Variants in PABPC4L observed in about 807,000 individuals in gnomAD.
PABPC4L encodes polyadenylate-binding protein 4-like.
For synonymous variants in PABPC4L, 169 were observed against 164.1 expected, an observed-to-expected ratio of 1.03 and a Z score of -0.23; for missense variants, 452 against 451.4, an observed-to-expected ratio of 1.00 and a Z score of -0.01.
the PABPC4L span, among the ~76,000 whole-genome samples, chr4:134,061,835 GA>G: frequency 6.7e-6 from 1 of 150,240 alleles, no homozygotes; most frequent in Non-Finnish European, 1.5e-5. Flanking sequence ...GAGAAAAAAA[GA>G]AAAGAAAAAG....
At chr4:133,948,761 C>CTTTGTTG in the PABPC4L span, among the ~76,000 whole-genome samples, 1 of 152,208 alleles carries the variant, frequency 6.6e-6, no homozygotes, top group Non-Finnish European at 1.5e-5. Flanking sequence ...GCATGCATAA[C>CTTTGTTG]AGTCGCTTTT....
At chr4:134,029,808 T>A in the PABPC4L span, among the ~76,000 whole-genome samples, 7 of 152,010 alleles carry the variant, frequency 4.6e-5, no homozygotes, top group Non-Finnish European at 1.0e-4. Context: ...TATGGCTGTG[T>A]TCCCACTCAA....
the PABPC4L span, among the ~76,000 whole-genome samples, chr4:134,079,245 C>T: frequency 2.4e-4 from 36 of 150,856 alleles, no homozygotes; most frequent in African/African-American, 8.7e-4. Context: ...TCTGGGATTA[C>T]AGGCTTGAGC....
chr4:134,053,575 C>A, the PABPC4L span, among the ~76,000 whole-genome samples: 1 of 151,988 alleles, frequency 6.6e-6, no homozygotes, highest in African/African-American at 2.4e-5. Context: ...CAAAAACAAA[C>A]AATAAATCCA....
the PABPC4L span, among the ~76,000 whole-genome samples, chr4:133,961,530 A>G: frequency 1.3e-5 from 2 of 152,046 alleles, no homozygotes; most frequent in South Asian, 4.1e-4. Context: ...ATCATCTATC[A>G]CCTGAGAGCA....
chr4:134,087,996 A>G, the PABPC4L span, among the ~76,000 whole-genome samples: 1 of 152,016 alleles, frequency 6.6e-6, no homozygotes, highest in Non-Finnish European at 1.5e-5. Flanking sequence ...GGAAGTGTAT[A>G]AAGCCTGACT....
the PABPC4L span, among the ~76,000 whole-genome samples, chr4:134,051,029 T>A: frequency 2.6e-5 from 4 of 152,120 alleles, no homozygotes; most frequent in Admixed American, 2.6e-4. Flanking sequence ...TCCATTTTGC[T>A]CTTCTAGGTA....
the PABPC4L span, among the ~76,000 whole-genome samples, chr4:133,984,233 C>G: frequency 2.0e-5 from 3 of 151,772 alleles, no homozygotes; most frequent in Middle Eastern, 6.8e-3. Flanking sequence ...AATTAAAACA[C>G]CAAATTCTGT....
At chr4:134,157,998 A>G in the PABPC4L span, among the ~76,000 whole-genome samples, 1 of 151,812 alleles carries the variant, frequency 6.6e-6, no homozygotes, top group African/African-American at 2.4e-5. Flanking sequence ...AAGTTTTGCA[A>G]TTCTAGAATA....
the PABPC4L span, among the ~76,000 whole-genome samples, chr4:134,011,625 TTC>T: frequency 1.4e-4 from 22 of 152,282 alleles, no homozygotes; most frequent in African/African-American, 5.1e-4. Context: ...GATTATTTTA[TTC>T]TCTCTTTTTT....
At chr4:134,148,096 C>T in the PABPC4L span, among the ~76,000 whole-genome samples, 1 of 152,014 alleles carries the variant, frequency 6.6e-6, no homozygotes, top group Non-Finnish European at 1.5e-5. Context: ...ACTCACAATG[C>T]ACAGAGAGCA....
the PABPC4L span, among the ~76,000 whole-genome samples, chr4:134,125,830 T>C: frequency 6.6e-6 from 1 of 152,016 alleles, no homozygotes; most frequent in Admixed American, 6.6e-5. Context: ...AGACATTCAT[T>C]TGATGCTTTA....
the PABPC4L span, among the ~76,000 whole-genome samples, chr4:134,175,463 A>T: frequency 1.3e-5 from 2 of 151,912 alleles, no homozygotes; most frequent in Non-Finnish European, 2.9e-5. Flanking sequence ...TAATTAATTA[A>T]TTTGAGACAG....
At chr4:133,985,464 A>T in the PABPC4L span, among the ~76,000 whole-genome samples, 1 of 152,016 alleles carries the variant, frequency 6.6e-6, no homozygotes, top group Non-Finnish European at 1.5e-5. Flanking sequence ...TACAAATCCA[A>T]ATATATCTTT....
chr4:134,095,020 G>A, the PABPC4L span, among the ~76,000 whole-genome samples: 4 of 151,698 alleles, frequency 2.6e-5, no homozygotes, highest in Non-Finnish European at 4.4e-5. Context: ...TTTAAGAAAA[G>A]TCCATTAAAA....
At chr4:134,000,212 C>T in the PABPC4L span, among the ~76,000 whole-genome samples, 1 of 152,128 alleles carries the variant, frequency 6.6e-6, no homozygotes, top group South Asian at 2.1e-4. Flanking sequence ...ACAACTTACT[C>T]TGACCCATCA....
chr4:134,193,244 A>AC (rs1729562204), downstream of PABPC4L, among the ~76,000 whole-genome samples: 1 of 150,296 alleles, frequency 6.7e-6, no homozygotes, highest in Admixed American at 6.6e-5. Context: ...AACTTACTTT[A>AC]CTTTTTTTTT....
At chr4:133,965,229 A>G in the PABPC4L span, among the ~76,000 whole-genome samples, 1 of 152,132 alleles carries the variant, frequency 6.6e-6, no homozygotes, top group South Asian at 2.1e-4. Context: ...ATAGCTGCAA[A>G]AAATCTGAAA....
At chr4:134,150,891 T>A in the PABPC4L span, among the ~76,000 whole-genome samples, 1 of 152,296 alleles carries the variant, frequency 6.6e-6, no homozygotes, top group Admixed American at 6.5e-5. Context: ...CAAATGTCCA[T>A]CAGCAGTTAA....
Sources: gnomAD v4.1 joint callset for allele counts (sites outside exome capture counted in the v4.1 genomes callset) on GRCh38, gnomAD v4.1.1 for gene constraint, MANE v1.5 for transcripts, NCBI Gene and HGNC (gene_info 2026-07-23, HGNC 2026-07-21) for gene names.